The following CAMSAP1 variants were observed in gnomAD, a reference collection of about 807,000 sequenced individuals.
The protein encoded by CAMSAP1 is calmodulin regulated spectrin associated protein 1.
A neutral mutation model predicts 143.5 loss-of-function variants in CAMSAP1; 58 were observed. That is an observed-to-expected ratio of 0.40 (90% CI 0.33 to 0.50). The LOEUF is 0.50. CAMSAP1 is among the 20% of genes least tolerant of loss of function. CAMSAP1 has a pLI of 0.45. For missense variants in CAMSAP1, 1,969 were observed against 2,115.7 expected, an observed-to-expected ratio of 0.93 and a Z score of 1.36; for synonymous variants, 945 against 859.3, an observed-to-expected ratio of 1.10 and a Z score of -1.74.
rs2131623980 is a variant in CAMSAP1, at chr9:135,808,631, G to C, written c.*2678C>G. 1 of 152,236 alleles carries C rather than the reference G, an allele frequency of 6.6e-6. No individual in the cohort carries two copies. The highest frequency in any genetic ancestry group is 2.4e-5 in the African/African-American group (1 of 41,536). The allele number at this position is 152,236 out of a possible 1,614,324, so 9.4% of individuals were successfully genotyped here. A position where few individuals can be genotyped will look rare whatever the true frequency, so the allele number is the denominator to read the frequency against. On this transcript the variant is annotated 3_prime_UTR_variant, in exon 17 of 17. Transcript: ENST00000389532. Reference sequence around the variant, plus strand: ...TTGCCTGAGTGAAGAATACAGTTTGGGCCTGAAGTCTGCTAAGAGACTGCA... The same window carrying C: ...TTGCCTGAGTGAAGAATACAGTTTGCGCCTGAAGTCTGCTAAGAGACTGCA...
At position 135,824,293 on chromosome 9, in the gene CAMSAP1, G is replaced by A. The variant is rs1057065897; in HGVS notation, c.1316-259C>T. Reference sequence around the variant, plus strand: ...TGTGTCTACTACACAGAAGGTAATTGCTCTCAACGATATTTTCACTGCAAG... The same window carrying A: ...TGTGTCTACTACACAGAAGGTAATTACTCTCAACGATATTTTCACTGCAAG... On this transcript the variant is annotated intron_variant, in intron 9 of 16. Transcript: ENST00000389532. The surrounding 1 kb of genome is among the most constrained non-coding windows in gnomAD (Gnocchi z 4.1). 1.8e-4 allele frequency among the ~76,000 whole-genome samples: 28 copies of A among 152,194 alleles called. No homozygotes were observed. The highest frequency in any genetic ancestry group is 6.8e-4 in the African/African-American group (28 of 41,442).
Position 135,811,343 on chromosome 9 carries a change from G to C in CAMSAP1, c.4775C>G (p.Pro1592Arg). The C allele has an allele frequency of 6.2e-7, 1 of 1,613,148 alleles. No homozygotes were observed. Among genetic ancestry groups the C allele is most frequent in the Non-Finnish European group, 8.5e-7 (1 of 1,179,548 alleles). ...AGTCTGGGCCTTCTTTGGCACTGCA[G>C]GCCGCTTGGGCTGCCACAGGTGGTT... is the stretch of plus-strand genomic sequence containing the variant. ...IHNHLWQPKRPAVPKKAQTRK is the reference protein window; with the variant it reads ...IHNHLWQPKRRAVPKKAQTRK The change falls in exon 17 of 17, where the codon CCT (proline) becomes CGT (arginine). Residue 1592 changes from proline (P) to arginine (R), a missense_variant. Physicochemically the swap from Pro to Arg is moderately radical, Grantham distance 103. This residue lies in a region of CAMSAP1 where 143 missense variants were observed against 200.6 expected (regional missense o/e 0.71). Coordinates refer to ENST00000389532, the MANE Select transcript of CAMSAP1 (RefSeq NM_015447.4). This position sits in a 1 kb window ranked among gnomAD's most constrained non-coding sequence, Gnocchi z 4.9.
rs923534789 is a variant in CAMSAP1, at chr9:135,881,618, A to T, written c.585+15T>A. The T allele has an allele frequency of 3.6e-5, 56 of 1,551,470 alleles. No individual in the cohort carries two copies. Among genetic ancestry groups the T allele is most frequent in the Admixed American group, 1.4e-4 (7 of 50,972 alleles). ...AGAAGCAGAGTCACACACCACATCT[A>T]GGCAGGGCACTCACCTTGTTGATCC... On this transcript the variant is annotated intron_variant, in intron 3 of 16. Transcript: ENST00000389532.
In CAMSAP1 at chr9:135,871,213, G is replaced by A. The variant is rs149799639; in HGVS notation, c.586-4677C>T. 7.3e-4 allele frequency among the ~76,000 whole-genome samples: 111 copies of A among 152,266 alleles called. 1 individual carries two copies. In the East Asian group the frequency reaches 0.018, roughly 25 times the overall value. Reference sequence around the variant, plus strand: ...TTATTTATTTCTTTATTTTGAGATGGGGTCTCACCCTGTCACCCAGGCTGA... The same window carrying A: ...TTATTTATTTCTTTATTTTGAGATGAGGTCTCACCCTGTCACCCAGGCTGA... On this transcript the variant is annotated intron_variant, in intron 3 of 16. Transcript: ENST00000389532.
intron 7 of CAMSAP1, among the ~76,000 whole-genome samples, chr9:135,834,636 G>A (rs1835957094): frequency 6.6e-6 from 1 of 152,170 alleles, no homozygotes; most frequent in South Asian, 2.1e-4. Context: ...GGGGCTGGAG[G>A]GTGAGGGGAA....
At chr9:135,863,543 C>T (rs1022494035) in intron 4 of CAMSAP1, among the ~76,000 whole-genome samples, 1 of 152,162 alleles carries the variant, frequency 6.6e-6, no homozygotes, top group Non-Finnish European at 1.5e-5. Flanking sequence ...TTCTGAGAGT[C>T]ATGCAGCTGA....
intron 3 of CAMSAP1, among the ~76,000 whole-genome samples, chr9:135,877,212 T>C (rs988608473): frequency 9.2e-5 from 14 of 151,840 alleles, no homozygotes; most frequent in African/African-American, 1.5e-4. Context: ...CAGAAACACT[T>C]TGTTCACTGA....
At position 135,824,716 on chromosome 9, in the gene CAMSAP1, T is replaced by G; in HGVS notation, c.1315+73A>C. The G allele has an allele frequency of 9.0e-7, 1 of 1,113,404 alleles. No individual in the cohort carries two copies. Among genetic ancestry groups the G allele is most frequent in the Non-Finnish European group, 1.3e-6 (1 of 787,978 alleles). 69.0% of individuals were successfully genotyped at this position (1,113,404 alleles called of 1,614,324 possible). The stretch of plus-strand genomic sequence containing the variant: ...CACTACATCAGATAAAATGATTTAA[T>G]TTTGAGAAATATGATTTTACTAATC... On this transcript the variant is annotated intron_variant, in intron 9 of 16. Coordinates refer to ENST00000389532, the MANE Select transcript of CAMSAP1 (RefSeq NM_015447.4). This position sits in a 1 kb window ranked among gnomAD's most constrained non-coding sequence, Gnocchi z 4.1.
At chr9:135,857,950 C>T (rs1165303035) in intron 5 of CAMSAP1, among the ~76,000 whole-genome samples, 6 of 152,230 alleles carry the variant, frequency 3.9e-5, no homozygotes, top group South Asian at 2.1e-4. Context: ...AAGAGTGTCC[C>T]GCATCTACTG....
intron 7 of CAMSAP1, among the ~76,000 whole-genome samples, chr9:135,844,640 A>T (rs1836486654): frequency 6.6e-6 from 1 of 152,210 alleles, no homozygotes; most frequent in African/African-American, 2.4e-5. Context: ...TAAAGAAGAA[A>T]AGAGAGAAGA....
chr9:135,843,848 T>C (rs1588466300), intron 7 of CAMSAP1, among the ~76,000 whole-genome samples: 1 of 122,474 alleles, frequency 8.2e-6, no homozygotes, highest in South Asian at 2.5e-4. Context: ...CTCTCCAACC[T>C]GGGCGACAGA....
At chr9:135,901,035 T>C (rs1838602962) in intron 1 of CAMSAP1, among the ~76,000 whole-genome samples, 1 of 152,170 alleles carries the variant, frequency 6.6e-6, no homozygotes, top group South Asian at 2.1e-4. Context: ...ATTACAGGCA[T>C]GAGCCACCAC....
At chr9:135,856,035 G>C (rs1034713912) in intron 5 of CAMSAP1, among the ~76,000 whole-genome samples, 2 of 152,140 alleles carry the variant, frequency 1.3e-5, no homozygotes, top group Non-Finnish European at 2.9e-5. Flanking sequence ...ATAGGCAAGA[G>C]AGTGAGACTC....
intron 3 of CAMSAP1, among the ~76,000 whole-genome samples, chr9:135,879,894 T>C (rs2130979048): frequency 1.3e-5 from 2 of 151,318 alleles, no homozygotes; most frequent in South Asian, 4.2e-4. Context: ...CACTGCACAG[T>C]ACCGTACCAA....
intron 3 of CAMSAP1, among the ~76,000 whole-genome samples, chr9:135,871,766 C>CA (rs552358819): frequency 0.027 from 3,732 of 137,914 alleles, 142 homozygotes; most frequent in African/African-American, 0.091. Context: ...CCAGCTCTAT[C>CA]AAAAAAAAAA....
At chr9:135,844,826 T>G (rs1355631154) in intron 7 of CAMSAP1, among the ~76,000 whole-genome samples, 1 of 152,008 alleles carries the variant, frequency 6.6e-6, no homozygotes, top group Admixed American at 6.5e-5. Flanking sequence ...CAGGAAAAAG[T>G]CAAATCCCTG....
intron 14 of CAMSAP1, among the ~76,000 whole-genome samples, chr9:135,817,011 G>A (rs1454241904): frequency 6.6e-6 from 1 of 152,190 alleles, no homozygotes; most frequent in African/African-American, 2.4e-5. Context: ...TCAATCAGCA[G>A]CGCGAGGCCT....
intron 5 of CAMSAP1, among the ~76,000 whole-genome samples, chr9:135,853,898 G>A (rs1836864397): frequency 6.6e-6 from 1 of 152,270 alleles, no homozygotes; most frequent in African/African-American, 2.4e-5. Flanking sequence ...ACGATCAGAA[G>A]GGGGCAGTGA....
chr9:135,890,091 G>A (rs1260749264), intron 1 of CAMSAP1, among the ~76,000 whole-genome samples: 1 of 152,244 alleles, frequency 6.6e-6, no homozygotes, highest in East Asian at 1.9e-4. Context: ...CCCTGTGCTA[G>A]GCCAGTAAGC....
Sources: gnomAD v4.1 joint callset for allele counts (sites outside exome capture counted in the v4.1 genomes callset) on GRCh38, gnomAD v4.1.1 for gene constraint, gnomAD v4.1.1 regional missense constraint, Gnocchi (gnomAD v3.1) non-coding constraint, MANE v1.5 for transcripts, NCBI Gene and HGNC (gene_info 2026-07-23, HGNC 2026-07-21) for gene names.